Variants in SVIL observed in about 807,000 individuals in gnomAD.
SVIL encodes supervillin, also known as archvillin.
Under a neutral mutation model 240.4 loss-of-function variants are expected in SVIL, and 101 were observed. The observed-to-expected ratio is 0.42, with a 90% CI of 0.36 to 0.50. The LOEUF is 0.50. Among genes scored for constraint, SVIL ranks in the 20% least tolerant of loss-of-function variants. The pLI is 0.01. For synonymous variants in SVIL, 999 were observed against 1,100.0 expected (o/e 0.91, Z 1.82); for missense variants, 2,512 against 2,818.7 (o/e 0.89, Z 2.46).
At chr10:29,594,934 C>A (rs1956527171) in intron 1 of SVIL, among the ~76,000 whole-genome samples, 1 of 152,228 alleles carries the variant, frequency 6.6e-6, no homozygotes, top group Non-Finnish European at 1.5e-5. Context: ...AGTTCCCCAG[C>A]CCCTGCTGTG....
intron 3 of SVIL, chr10:29,657,933 C>T (rs1959054159): frequency 6.6e-6 from 1 of 152,158 alleles, no homozygotes; most frequent in Non-Finnish European, 1.5e-5. Context: ...AATGTGTTAA[C>T]CACAAAAGTG....
intron 3 of SVIL, among the ~76,000 whole-genome samples, chr10:29,561,956 T>G (rs578046462): frequency 6.6e-6 from 1 of 152,360 alleles, no homozygotes; most frequent in South Asian, 2.1e-4. Flanking sequence ...CCCCTGAGTC[T>G]TTCAGACATT....
chr10:29,647,256 A>G (rs937780964), intron 3 of SVIL: 7 of 152,228 alleles, frequency 4.6e-5, no homozygotes, highest in African/African-American at 1.7e-4. Flanking sequence ...GCCCAAGTGC[A>G]CTGGGAAAGT....
chr10:29,647,320 GCTTT>G (rs1958692049), intron 3 of SVIL: 1 of 151,772 alleles, frequency 6.6e-6, no homozygotes. Flanking sequence ...TTCTTTTCTT[GCTTT>G]CTTTTTCTTT....
chr10:29,584,670 G>T (rs182720762), intron 1 of SVIL, among the ~76,000 whole-genome samples: 1 of 152,208 alleles, frequency 6.6e-6, no homozygotes, highest in Admixed American at 6.5e-5. Context: ...TTTAACCTGC[G>T]GCCTTCCCAT....
chr10:29,633,177 C>T (rs2132955680), intron 1 of SVIL, among the ~76,000 whole-genome samples: 1 of 143,728 alleles, frequency 7.0e-6, no homozygotes, highest in South Asian at 2.2e-4. Flanking sequence ...GTGGAGGTTG[C>T]AGTGAGCCGA....
intron 6 of SVIL, among the ~76,000 whole-genome samples, chr10:29,549,545 T>G (rs930650005): frequency 6.9e-6 from 1 of 145,898 alleles, no homozygotes; most frequent in African/African-American, 2.6e-5. Context: ...GGACTATAAA[T>G]CATTCTGCTA....
chr10:29,542,316 T>C (rs902942810), intron 6 of SVIL, among the ~76,000 whole-genome samples: 15 of 152,212 alleles, frequency 9.9e-5, no homozygotes, highest in African/African-American at 2.4e-5. Context: ...GAAGGAGATA[T>C]GAAAATGACT....
At chr10:29,541,060 T>TA (rs1257427367) in intron 6 of SVIL, among the ~76,000 whole-genome samples, 1 of 152,242 alleles carries the variant, frequency 6.6e-6, no homozygotes, top group Non-Finnish European at 1.5e-5. Flanking sequence ...TGAGATTTTT[T>TA]AAAAAACATG....
chr10:29,567,263 C>T (rs1281526286), intron 2 of SVIL, among the ~76,000 whole-genome samples: 3 of 152,190 alleles, frequency 2.0e-5, no homozygotes, highest in African/African-American at 4.8e-5. Context: ...CAGGATGCTC[C>T]GCTGTTATCA....
At chr10:29,601,330 A>C (rs993453914) in intron 1 of SVIL, among the ~76,000 whole-genome samples, 1 of 152,220 alleles carries the variant, frequency 6.6e-6, no homozygotes, top group African/African-American at 2.4e-5. Context: ...TAAAGCTTAA[A>C]ATGTGCTCCT....
chr10:29,679,703 A>G (rs1383848335), intron 2 of SVIL, among the ~76,000 whole-genome samples: 1 of 151,522 alleles, frequency 6.6e-6, no homozygotes, highest in Non-Finnish European at 1.5e-5. Context: ...CCGCAGGCAC[A>G]CACCACCATG....
chr10:29,597,053 C>G (rs1489281245), intron 1 of SVIL, among the ~76,000 whole-genome samples: 1 of 152,208 alleles, frequency 6.6e-6, no homozygotes, highest in Non-Finnish European at 1.5e-5. Context: ...CATTGCCTCT[C>G]TAAAAACGGT....
At chr10:29,630,363 G>A (rs1290680942) in intron 1 of SVIL, among the ~76,000 whole-genome samples, 1 of 152,112 alleles carries the variant, frequency 6.6e-6, no homozygotes, top group African/African-American at 2.4e-5. Flanking sequence ...GGGATTAAAG[G>A]ATCAACTTTC....
chr10:29,587,852 C>T (rs1956232342), intron 1 of SVIL, among the ~76,000 whole-genome samples: 1 of 152,136 alleles, frequency 6.6e-6, no homozygotes. Flanking sequence ...TGATTACACA[C>T]CAGCGAAAAG....
rs540685832 is a variant in SVIL at position 29,578,367 on chromosome 10, A to G, written c.-200-9055T>C. On this transcript the variant is annotated intron_variant, in intron 1 of 37. Coordinates refer to ENST00000355867, the MANE Select transcript of SVIL (RefSeq NM_021738.3). ...AATCCCCAAAGCTTAGACATAGGCTAAAAATCCAGGAGAAAATCCTGGCAT... is the reference window on the plus strand; with the variant it reads ...AATCCCCAAAGCTTAGACATAGGCTGAAAATCCAGGAGAAAATCCTGGCAT... Among the ~76,000 whole-genome samples the G allele has an allele frequency of 2.0e-5, 3 of 152,354 alleles. No homozygotes were observed. The East Asian group carries it at 5.8e-4, about 29-fold the overall frequency.
chr10:29,645,093 T>G (rs950138699), intron 3 of SVIL, among the ~76,000 whole-genome samples: 1 of 152,238 alleles, frequency 6.6e-6, no homozygotes, highest in East Asian at 1.9e-4. Context: ...CTTCATTTTC[T>G]TAGGTTTCTC....
At chr10:29,591,396 T>C (rs931893622) in intron 1 of SVIL, among the ~76,000 whole-genome samples, 1 of 152,222 alleles carries the variant, frequency 6.6e-6, no homozygotes, top group African/African-American at 2.4e-5. Context: ...CTAAGAGGCT[T>C]TATTGTCAGC....
At chr10:29,637,332 GA>G (rs1024054083), upstream of SVIL, among the ~76,000 whole-genome samples, 1 of 151,924 alleles carries the variant, frequency 6.6e-6, no homozygotes, top group Non-Finnish European at 1.5e-5. Context: ...CAAAAATACA[GA>G]AAAATTAGCC....
Sources: gnomAD v4.1 joint callset for allele counts (sites outside exome capture counted in the v4.1 genomes callset) on GRCh38, gnomAD v4.1.1 for gene constraint, MANE v1.5 for transcripts, NCBI Gene and HGNC (gene_info 2026-07-23, HGNC 2026-07-21) for gene names.